SEC24D: variants seen among roughly 807,000 people sequenced by gnomAD.
The protein encoded by SEC24D is SEC24 homolog D, COPII component, also known as protein transport protein Sec24D.
Under a neutral mutation model 116.9 loss-of-function variants are expected in SEC24D, and 69 were observed. The observed-to-expected ratio is 0.59, with a 90% CI of 0.49 to 0.72. SEC24D has a LOEUF of 0.72. SEC24D is among the 30% of genes least tolerant of loss of function. SEC24D has a pLI of 0.00. For missense variants in SEC24D, 1,131 were observed against 1,264.1 expected (o/e 0.89, Z 1.60); for synonymous variants, 405 against 442.8 (o/e 0.91, Z 1.07).
chr4:118,749,202 G>A (rs1272602991), intron 13 of SEC24D, among the ~76,000 whole-genome samples: 1 of 152,176 alleles, frequency 6.6e-6, no homozygotes, highest in Non-Finnish European at 1.5e-5. Flanking sequence ...AAAATGCTAT[G>A]AGTACAAGAT....
intron 15 of SEC24D, among the ~76,000 whole-genome samples, chr4:118,743,219 T>C (rs985347529): frequency 3.9e-5 from 6 of 152,172 alleles, no homozygotes; most frequent in Non-Finnish European, 8.8e-5. Context: ...ATATTTTACA[T>C]AAAATATATT....
At chr4:118,770,602 C>CTG (rs1442279987) in intron 8 of SEC24D, among the ~76,000 whole-genome samples, 1 of 152,176 alleles carries the variant, frequency 6.6e-6, no homozygotes, top group African/African-American at 2.4e-5. Flanking sequence ...AGTCCAAAGG[C>CTG]TGTAACAAAT....
In SEC24D at chr4:118,738,376, A is replaced by G; in HGVS notation, c.2381T>C (p.Phe794Ser). Residue 794 changes from phenylalanine (F) to serine (S), a missense_variant, in exon 19 of 23, where the codon TTT becomes TCT. By Grantham distance (155) the Phe-to-Ser change is radical. Coordinates refer to ENST00000280551, the MANE Select transcript of SEC24D (RefSeq NM_014822.4). The stretch of plus-strand genomic sequence containing the variant: ...CAAAGGCTGGTGGAGAACTGCTTTA[A>G]AAGCTACATCACAAAACAATGAAAA... ...ALINFFAKSA[F>S]KAVLHQPLKV... The G allele has an allele frequency of 6.3e-7, 1 of 1,594,298 alleles. No individual in the cohort carries two copies.
intron 13 of SEC24D, among the ~76,000 whole-genome samples, chr4:118,751,693 T>C (rs1328066622): frequency 6.6e-6 from 1 of 152,170 alleles, no homozygotes; most frequent in African/African-American, 2.4e-5. Flanking sequence ...GTAGTTCTGA[T>C]ATTGTTGGAC....
intron 11 of SEC24D, 65 bp from the exon 12 acceptor site, chr4:118,752,953 T>C: frequency 8.5e-7 from 1 of 1,180,788 alleles, no homozygotes; most frequent in East Asian, 2.5e-5. Context: ...GGTTTCTATC[T>C]GAAATTCAGT....
chr4:118,803,976 A>G (rs116023902), intron 7 of SEC24D, among the ~76,000 whole-genome samples: 7,418 of 152,240 alleles, frequency 0.049, 220 homozygotes, highest in Non-Finnish European at 0.063. Context: ...GGCCTGGCAC[A>G]TAATAGGTAC....
At chr4:118,764,512 C>G (rs1727543614) in intron 10 of SEC24D, 1 of 234,852 alleles carries the variant, frequency 4.3e-6, no homozygotes, top group Admixed American at 5.4e-5. Context: ...TACGGAACTA[C>G]TGCATTAAGA....
chr4:118,801,360 A>C (rs1203694473), intron 7 of SEC24D, among the ~76,000 whole-genome samples: 1 of 152,170 alleles, frequency 6.6e-6, no homozygotes, highest in Non-Finnish European at 1.5e-5. Context: ...AGCTTCTAGG[A>C]ACAGAAAAAG....
At chr4:118,824,479 G>T in intron 3 of SEC24D, 141 bp downstream of exon 3, 1 of 863,792 alleles carries the variant, frequency 1.2e-6, no homozygotes, top group Non-Finnish European at 1.8e-6. Flanking sequence ...TCCTAGGGCA[G>T]TTATCTAACA....
Position 118,817,404 on chromosome 4 carries a change from C to T in SEC24D, c.257G>A (p.Gly86Asp). Residue 86 changes from glycine (G) to aspartate (D), a missense_variant, in exon 4 of 23, where the codon GGC (glycine) becomes GAC (aspartate). Transcript: ENST00000280551. The stretch of plus-strand genomic sequence containing the variant: ...TGCCACATTGTTGACAGGTGGAGGG[C>T]CTGGAAATCTGAGAGAGGAAAACAG... ...ATGHPPQRFPGPPPVNNVASS... is the reference protein window; with the variant it reads ...ATGHPPQRFPDPPPVNNVASS... 6.2e-7 allele frequency: 1 copy of T among 1,603,306 alleles called. No homozygotes were observed. Among genetic ancestry groups the T allele is most frequent in the Non-Finnish European group, 8.5e-7 (1 of 1,175,890 alleles).
intron 8 of SEC24D, among the ~76,000 whole-genome samples, chr4:118,795,881 A>G (rs1729158451): frequency 6.6e-6 from 1 of 152,242 alleles, no homozygotes; most frequent in South Asian, 2.1e-4. Context: ...TCAAAACTCA[A>G]TAAACGTTCA....
At chr4:118,802,892 A>T (rs1729507798) in intron 7 of SEC24D, among the ~76,000 whole-genome samples, 3 of 152,232 alleles carry the variant, frequency 2.0e-5, no homozygotes, top group Admixed American at 6.5e-5. Context: ...TGTATAAAAG[A>T]CGGAAAGTTA....
At position 118,731,484 on chromosome 4, in the gene SEC24D, T is replaced by A. The variant is rs944662090; in HGVS notation, c.2700A>T (p.Thr900=). ...LPIHTLDVKS[T]MLPAAVRCSE... is the part of the protein sequence containing the mutation. ...AGCAACGAACGGCAGCAGGTAACAT[T>A]GTACTCTTGACATCTAACGTGTGCT... Residue 900 remains threonine, a synonymous_variant, in exon 21 of 23, where the codon ACA becomes ACT. Transcript: ENST00000280551. 3.7e-6 allele frequency: 6 copies of A among 1,613,980 alleles called. No homozygotes were observed. The highest frequency in any genetic ancestry group is 4.2e-6 in the Non-Finnish European group (5 of 1,179,968).
intron 19 of SEC24D, chr4:118,735,600 T>C (rs373203115): frequency 6.6e-5 from 10 of 152,216 alleles, no homozygotes; most frequent in African/African-American, 2.4e-4. Flanking sequence ...CCATATGATA[T>C]TGATATATTT....
At chr4:118,813,028 C>T (rs1436671047) in intron 6 of SEC24D, among the ~76,000 whole-genome samples, 3 of 152,166 alleles carry the variant, frequency 2.0e-5, no homozygotes, top group South Asian at 2.1e-4. Flanking sequence ...CCAAGGGGCA[C>T]GAGGGAACCT....
chr4:118,775,328 G>A (rs1397036631), intron 8 of SEC24D, among the ~76,000 whole-genome samples: 1 of 134,328 alleles, frequency 7.4e-6, no homozygotes, highest in Non-Finnish European at 1.6e-5. Flanking sequence ...CTTGTGATAG[G>A]TGTTAAAGCA....
At chr4:118,752,305 T>C (rs1209372617) in intron 12 of SEC24D, among the ~76,000 whole-genome samples, 1 of 152,228 alleles carries the variant, frequency 6.6e-6, no homozygotes, top group East Asian at 1.9e-4. Flanking sequence ...TCTTTGTAGA[T>C]ATTTTTTCTA....
chr4:118,779,550 T>C (rs1200394574), intron 8 of SEC24D, among the ~76,000 whole-genome samples: 1 of 152,238 alleles, frequency 6.6e-6, no homozygotes, highest in Non-Finnish European at 1.5e-5. Flanking sequence ...TCAGGGATAT[T>C]GGTCTAAAAT....
intron 2 of SEC24D, among the ~76,000 whole-genome samples, chr4:118,832,356 G>C (rs1194886385): frequency 6.6e-6 from 1 of 152,178 alleles, no homozygotes; most frequent in Non-Finnish European, 1.5e-5. Flanking sequence ...CTACTGCATT[G>C]AGAAATAGGA....
Sources: allele counts gnomAD v4.1 joint callset (sites outside exome capture counted in the v4.1 genomes callset), GRCh38; gene constraint gnomAD v4.1.1; transcripts MANE v1.5; gene names NCBI Gene and HGNC (gene_info 2026-07-23, HGNC 2026-07-21).